Variants in PPP2R2C observed in about 807,000 individuals in gnomAD.
The protein encoded by PPP2R2C is protein phosphatase 2 regulatory subunit Bgamma.
PPP2R2C carries 10 observed loss-of-function variants against 45.3 expected under a neutral mutation model. The ratio of observed to expected loss-of-function variants is 0.22; its 90% CI spans 0.14 to 0.37. PPP2R2C has a LOEUF of 0.37. PPP2R2C is among the 10% of genes least tolerant of loss of function. The probability of loss-of-function intolerance (pLI) is 1.00; values close to 1 mark genes in which losing one functional copy is unlikely to be tolerated. For synonymous variants in PPP2R2C, 257 were observed against 245.4 expected (o/e 1.05, Z -0.44); for missense variants, 308 against 619.7 (o/e 0.50, Z 5.34).
At chr4:6,420,365 C>A (rs574180566) in intron 1 of PPP2R2C, among the ~76,000 whole-genome samples, 5 of 150,758 alleles carry the variant, frequency 3.3e-5, no homozygotes, top group Non-Finnish European at 6.0e-5. Context: ...AGCATCCCCC[C>A]ACCTGTCCCG....
At chr4:6,425,731 C>T (rs1719248877) in intron 1 of PPP2R2C, among the ~76,000 whole-genome samples, 1 of 152,146 alleles carries the variant, frequency 6.6e-6, no homozygotes, top group African/African-American at 2.4e-5. Flanking sequence ...ACTTCTGAAT[C>T]CTCCCGGGTG....
rs1439237301 is a variant in PPP2R2C, at chr4:6,471,326, C to A, written c.70+834G>T. 2.6e-5 allele frequency among the ~76,000 whole-genome samples: 4 copies of A among 152,142 alleles called. No individual in the cohort carries two copies. The highest frequency in any genetic ancestry group is 4.4e-5 in the Non-Finnish European group (3 of 68,020). ...GGGGTCACTCCGCGGGCCCTGCCTG[C>A]GCACGGAAGCTGTCCCCACTGTTCC... On this transcript the variant is annotated intron_variant, in intron 1 of 8. Coordinates refer to ENST00000382599, the MANE Select transcript of PPP2R2C (RefSeq NM_020416.4). The surrounding 1 kb of genome is among the most constrained non-coding windows in gnomAD (Gnocchi z 5.6).
intron 1 of PPP2R2C, among the ~76,000 whole-genome samples, chr4:6,548,417 A>T (rs1251512714): frequency 6.6e-6 from 1 of 152,180 alleles, no homozygotes; most frequent in Non-Finnish European, 1.5e-5. Flanking sequence ...AAGCACAGAC[A>T]CAAGGGCTGA....
chr4:6,357,728 G>T (rs548484473), intron 5 of PPP2R2C, among the ~76,000 whole-genome samples: 4 of 152,286 alleles, frequency 2.6e-5, no homozygotes, highest in Non-Finnish European at 4.4e-5. Context: ...CACCCTGGTG[G>T]GTGGGGGTAG....
chr4:6,395,716 T>C (rs1386820842), intron 1 of PPP2R2C, among the ~76,000 whole-genome samples: 1 of 152,208 alleles, frequency 6.6e-6, no homozygotes, highest in African/African-American at 2.4e-5. Context: ...GCCCCGTGAC[T>C]GCTGGCAGCT....
Position 6,324,590 on chromosome 4 carries a change from G to A in PPP2R2C, c.1053-997C>T, listed in dbSNP as rs1360717623. On this transcript the variant is annotated intron_variant, in intron 8 of 8. Coordinates refer to ENST00000382599, the MANE Select transcript of PPP2R2C (RefSeq NM_020416.4). The surrounding 1 kb of genome is among the most constrained non-coding windows in gnomAD (Gnocchi z 4.1). ...CACCAGGCCCTGCTTCCCTCCAGGG[G>A]CCCGCCTGTCCCGAGGACTCGGGCG... Among the ~76,000 whole-genome samples, 1 of 152,208 alleles carries A rather than the reference G, an allele frequency of 6.6e-6. No homozygotes were observed. Among genetic ancestry groups the A allele is most frequent in the Non-Finnish European group, 1.5e-5 (1 of 68,020 alleles).
At chr4:6,562,872 G>C (rs1268575693) in intron 1 of PPP2R2C, among the ~76,000 whole-genome samples, 2 of 151,112 alleles carry the variant, frequency 1.3e-5, no homozygotes, top group Admixed American at 1.3e-4. Context: ...GCCAACCCGG[G>C]TCACTTCCCA....
At chr4:6,454,923 T>C (rs1720936725) in intron 1 of PPP2R2C, among the ~76,000 whole-genome samples, 1 of 152,230 alleles carries the variant, frequency 6.6e-6, no homozygotes, top group Non-Finnish European at 1.5e-5. Context: ...CGCTATTATT[T>C]TGCCATGAAG....
Position 6,383,293 on chromosome 4 carries a change from A to G in PPP2R2C, c.71-2199T>C. The G allele has an allele frequency of 7.9e-6, 10 of 1,265,332 alleles. No homozygotes were observed. In the South Asian group the frequency reaches 1.3e-4, roughly 17 times the overall value. The allele number at this position is 1,265,332 out of a possible 1,614,324, so 78.4% of individuals were successfully genotyped here. ...GCAGGGCCCCACTGACCCACAGAGCAGGGCAAGCCCAGCCAAGCCCAGACC... is the reference window on the plus strand; with the variant it reads ...GCAGGGCCCCACTGACCCACAGAGCGGGGCAAGCCCAGCCAAGCCCAGACC... On this transcript the variant is annotated intron_variant, in intron 1 of 8. Transcript: ENST00000382599.
intron 2 of PPP2R2C, among the ~76,000 whole-genome samples, chr4:6,501,106 A>G (rs893324473): frequency 2.0e-5 from 3 of 152,244 alleles, no homozygotes; most frequent in African/African-American, 7.2e-5. Flanking sequence ...ACTATAAATT[A>G]TTCAGTGATC....
rs1714156500 is a variant in PPP2R2C, at chr4:6,364,988, C to T, written c.625+7535G>A. Among the ~76,000 whole-genome samples, 1 of 152,198 alleles carries T rather than the reference C, an allele frequency of 6.6e-6. No individual in the cohort carries two copies. Among genetic ancestry groups the T allele is most frequent in the Non-Finnish European group, 1.5e-5 (1 of 68,026 alleles). ...GGATCCCCATTCACTCAGAAAGTGCCTTTGTGCCAATTATGAAAAGACAGC... is the reference window on the plus strand; with the variant it reads ...GGATCCCCATTCACTCAGAAAGTGCTTTTGTGCCAATTATGAAAAGACAGC... On this transcript the variant is annotated intron_variant, in intron 5 of 8. Transcript: ENST00000382599. This position sits in a 1 kb window ranked among gnomAD's most constrained non-coding sequence, Gnocchi z 5.3.
At chr4:6,456,125 G>A (rs1013640337) in intron 1 of PPP2R2C, among the ~76,000 whole-genome samples, 2 of 152,194 alleles carry the variant, frequency 1.3e-5, no homozygotes. Context: ...CCTACATCGT[G>A]AAGTATTATG....
chr4:6,383,369 G>T (rs1302581739), intron 1 of PPP2R2C: 1 of 1,289,780 alleles, frequency 7.8e-7, no homozygotes, highest in East Asian at 5.6e-5. Flanking sequence ...GTATGCACGG[G>T]GTCTCGTGTT....
At chr4:6,524,950 C>T (rs1468874297) in intron 2 of PPP2R2C, among the ~76,000 whole-genome samples, 1 of 151,862 alleles carries the variant, frequency 6.6e-6, no homozygotes, top group Admixed American at 6.6e-5. Flanking sequence ...ATTAGCCACA[C>T]ATGGTAGCAT....
At chr4:6,551,645 A>C (rs1725188509) in intron 1 of PPP2R2C, among the ~76,000 whole-genome samples, 2 of 152,202 alleles carry the variant, frequency 1.3e-5, no homozygotes, top group African/African-American at 2.4e-5. Flanking sequence ...CTTGAGCACC[A>C]TGGAAGGAGT....
intron 5 of PPP2R2C, among the ~76,000 whole-genome samples, chr4:6,370,664 G>A (rs1379617757): frequency 6.6e-6 from 1 of 152,182 alleles, no homozygotes; most frequent in African/African-American, 2.4e-5. Context: ...AAACACAGAA[G>A]ACAGCAGAGG....
At position 6,351,520 on chromosome 4, in the gene PPP2R2C, G is replaced by A. The variant is rs1289890616; in HGVS notation, c.626-3510C>T. Among the ~76,000 whole-genome samples the A allele has an allele frequency of 2.0e-5, 3 of 152,170 alleles. No homozygotes were observed. In the South Asian group the frequency reaches 6.2e-4, roughly 32 times the overall value. On this transcript the variant is annotated intron_variant, in intron 5 of 8. Coordinates refer to ENST00000382599, the MANE Select transcript of PPP2R2C (RefSeq NM_020416.4). ...GAGGGCCTGGCTTTGGGGAGATAAA[G>A]TCTCCCAAACCTGGGTCAGGACCCA... is the stretch of plus-strand genomic sequence containing the variant.
chr4:6,353,407 C>CAGCCCCCCCACACCGAA (rs1712772431), intron 5 of PPP2R2C, among the ~76,000 whole-genome samples: 1 of 54,232 alleles, frequency 1.8e-5, no homozygotes, highest in African/African-American at 7.3e-5. Context: ...CCCACACCGA[C>CAGCCCCCCCACACCGAA]AGCCCTCCAC....
At chr4:6,467,377 A>T (rs1721649677) in intron 1 of PPP2R2C, among the ~76,000 whole-genome samples, 1 of 152,102 alleles carries the variant, frequency 6.6e-6, no homozygotes, top group Admixed American at 6.5e-5. Flanking sequence ...TTACTGATCT[A>T]TTAAGAATAA....
Sources: gnomAD v4.1 joint callset for allele counts (sites outside exome capture counted in the v4.1 genomes callset) on GRCh38, gnomAD v4.1.1 for gene constraint, Gnocchi (gnomAD v3.1) non-coding constraint, MANE v1.5 for transcripts, NCBI Gene and HGNC (gene_info 2026-07-23, HGNC 2026-07-21) for gene names.